The following DST variants were observed in gnomAD, a reference collection of about 807,000 sequenced individuals.
The protein encoded by DST is dystonin, also known as bullous pemphigoid antigen.
In DST, 253 loss-of-function variants were observed where a neutral mutation model predicts 875.2. That is an observed-to-expected ratio of 0.29 (90% CI 0.26 to 0.32). The LOEUF (loss-of-function observed/expected upper bound fraction) is 0.32. DST is among the 10% of genes least tolerant of loss of function. The pLI is 1.00. For missense variants in DST, 8,287 were observed against 9,111.6 expected (o/e 0.91, Z 3.68); for synonymous variants, 3,124 against 3,197.1 (o/e 0.98, Z 0.77).
rs376045815 is a variant in DST at position 56,565,371 on chromosome 6, G to A, written c.14005+3098C>T. ...CCTGATCTTGTGATCCGCTCGCCTT[G>A]GCCTCCAAAAGTGCTGGGATTACAG... On this transcript the variant is annotated intron_variant, in intron 55 of 103. Transcript: ENST00000680361. Among the ~76,000 whole-genome samples the A allele has an allele frequency of 1.7e-3, 256 of 152,026 alleles. 1 individual carries two copies. The highest frequency in any genetic ancestry group is 1.1e-3 in the Non-Finnish European group (72 of 67,972).
intron 4 of DST, among the ~76,000 whole-genome samples, chr6:56,838,565 A>G (rs901864149): frequency 6.6e-6 from 1 of 152,228 alleles, no homozygotes; most frequent in Non-Finnish European, 1.5e-5. Flanking sequence ...AACAACAAAA[A>G]AAAAACCTAG....
At position 56,597,932 on chromosome 6, in the gene DST, G is replaced by C; in HGVS notation, c.12003C>G (p.Asp4001Glu). Residue 4001 changes from aspartate (D) to glutamate (E), a missense_variant, in exon 47 of 104, where the codon GAC becomes GAG. Asp to Glu is a conservative substitution (Grantham distance 45). Around this residue, in one of 10 missense-constraint regions of DST, gnomAD observed 1,513 missense variants for 1,677.8 expected, o/e 0.90. Coordinates refer to ENST00000680361, the MANE Select transcript of DST (RefSeq NM_001374736.1). ...TTGTCCCTGCCCTTTCTGAGTCTTTGTCAACATTTGACAACCAGTCCAAAA... is the reference window on the plus strand; with the variant it reads ...TTGTCCCTGCCCTTTCTGAGTCTTTCTCAACATTTGACAACCAGTCCAAAA... The part of the protein sequence containing the change: ...ENLLDWLSNV[D>E]KDSERAGTKH... 6.2e-7 allele frequency: 1 copy of C among 1,613,380 alleles called. No individual in the cohort carries two copies. Among genetic ancestry groups the C allele is most frequent in the Non-Finnish European group, 8.5e-7 (1 of 1,179,606 alleles).
At chr6:56,823,290 T>C (rs1351849261) in intron 4 of DST, among the ~76,000 whole-genome samples, 1 of 152,248 alleles carries the variant, frequency 6.6e-6, no homozygotes, top group Non-Finnish European at 1.5e-5. Flanking sequence ...CAGCACTATG[T>C]TACTTTTATC....
intron 3 of DST, among the ~76,000 whole-genome samples, chr6:56,853,450 T>G (rs111513227): frequency 0.023 from 3,456 of 152,278 alleles, 54 homozygotes; most frequent in Middle Eastern, 0.034. Flanking sequence ...TCTTAAAGAC[T>G]TTTAAGAGGG....
At position 56,633,033 on chromosome 6, in the gene DST, T is replaced by C. The variant is rs746565155; in HGVS notation, c.3626A>G (p.Lys1209Arg). ...CTGATGTTCACCAGGTAGCATTGTC[T>C]TTATCTAAAGAAGACCAAAGACCCA... ...RIRASNVASI[K>R]TMLPGEHQQV... is the part of the protein sequence containing the mutation. Residue 1209 changes from lysine (K) to arginine (R), a missense_variant, in exon 28 of 104, where the codon AAG becomes AGG. Transcript: ENST00000680361. 15 of 1,613,676 alleles carry C rather than the reference T, an allele frequency of 9.3e-6. No individual in the cohort carries two copies. In the South Asian group the frequency reaches 1.4e-4, roughly 15 times the overall value.
intron 4 of DST, among the ~76,000 whole-genome samples, chr6:56,837,792 G>C (rs140577127): frequency 4.3e-4 from 66 of 152,078 alleles, no homozygotes; most frequent in Admixed American, 9.2e-4. Context: ...CCTTCTCACA[G>C]GGTGAAATCC....
intron 3 of DST, chr6:56,852,071 G>C: frequency 7.2e-7 from 1 of 1,391,824 alleles, no homozygotes; most frequent in Non-Finnish European, 9.3e-7. Flanking sequence ...AGGATGTTGA[G>C]TCCCAACTCC....
chr6:56,950,709 A>G (rs1049755073), intron 2 of DST, among the ~76,000 whole-genome samples: 1 of 152,228 alleles, frequency 6.6e-6, no homozygotes, highest in Non-Finnish European at 1.5e-5. Flanking sequence ...CATAAAACAC[A>G]TATTTCTGTC....
Position 56,578,953 on chromosome 6 carries a change from C to T in DST, c.12904-16G>A, listed in dbSNP as rs562209122. 8 of 1,569,128 alleles carry T rather than the reference C, an allele frequency of 5.1e-6. No homozygotes were observed. Among genetic ancestry groups the T allele is most frequent in the South Asian group, 3.5e-5 (3 of 84,948 alleles). On this transcript the variant is annotated splice_polypyrimidine_tract_variant and intron_variant, in intron 49 of 103. Coordinates refer to ENST00000680361, the MANE Select transcript of DST (RefSeq NM_001374736.1). ...CTTGCAAAGCCTGTAGGATTAAACG[C>T]TTTTCAATTATACTCAGCAGGACTA...
At chr6:56,558,006 A>C (rs1411223935) in intron 58 of DST, among the ~76,000 whole-genome samples, 1 of 152,134 alleles carries the variant, frequency 6.6e-6, no homozygotes, top group Non-Finnish European at 1.5e-5. Flanking sequence ...TCACCAATTA[A>C]ACTCAACATT....
chr6:56,828,680 T>C (rs2099783640), intron 4 of DST, among the ~76,000 whole-genome samples: 1 of 152,208 alleles, frequency 6.6e-6, no homozygotes. Flanking sequence ...TGACCCTCCT[T>C]TTCTGGACTT....
chr6:56,730,469 CAT>C (rs2099493150), intron 5 of DST, among the ~76,000 whole-genome samples: 1 of 151,942 alleles, frequency 6.6e-6, no homozygotes, highest in African/African-American at 2.4e-5. Flanking sequence ...GCAAATTGCA[CAT>C]GATGAGTAAC....
intron 60 of DST, among the ~76,000 whole-genome samples, chr6:56,553,946 T>C (rs1258554328): frequency 6.6e-6 from 1 of 152,140 alleles, no homozygotes; most frequent in Non-Finnish European, 1.5e-5. Flanking sequence ...GGAGTGGCCA[T>C]GCCACACATC....
chr6:56,558,113 T>C (rs1027925558), intron 58 of DST, among the ~76,000 whole-genome samples: 6 of 152,174 alleles, frequency 3.9e-5, no homozygotes, highest in Non-Finnish European at 8.8e-5. Context: ...GTCATAAAGA[T>C]GCAATAATTC....
chr6:56,828,732 T>C (rs1374393711), intron 4 of DST, among the ~76,000 whole-genome samples: 2 of 152,222 alleles, frequency 1.3e-5, no homozygotes, highest in African/African-American at 2.4e-5. Context: ...AAAATCAGCA[T>C]ACTCAATGTT....
At chr6:56,680,030 A>T (rs999645319) in intron 9 of DST, among the ~76,000 whole-genome samples, 6 of 152,230 alleles carry the variant, frequency 3.9e-5, no homozygotes, top group Non-Finnish European at 7.4e-5. Flanking sequence ...GTCTCTCAGT[A>T]TTTAAAATAT....
At chr6:56,794,993 A>T (rs1466146887) in intron 4 of DST, among the ~76,000 whole-genome samples, 1 of 152,180 alleles carries the variant, frequency 6.6e-6, no homozygotes, top group Non-Finnish European at 1.5e-5. Flanking sequence ...TTAGCTTTTA[A>T]ACATAAATAG....
At chr6:56,688,815 A>C (rs559382969) in intron 9 of DST, among the ~76,000 whole-genome samples, 1 of 152,338 alleles carries the variant, frequency 6.6e-6, no homozygotes, top group South Asian at 2.1e-4. Flanking sequence ...CGTTTTACTT[A>C]TCTCTGAGTG....
chr6:56,526,265 A>C (rs2096795339), intron 69 of DST, 96 bp downstream of exon 69: 1 of 1,271,336 alleles, frequency 7.9e-7, no homozygotes, highest in East Asian at 2.5e-5. Flanking sequence ...CAGCAAATGA[A>C]TGGAAACAGT....
Sources: gnomAD v4.1 joint callset for allele counts (sites outside exome capture counted in the v4.1 genomes callset) on GRCh38, gnomAD v4.1.1 for gene constraint, gnomAD v4.1.1 regional missense constraint, MANE v1.5 for transcripts, NCBI Gene and HGNC (gene_info 2026-07-23, HGNC 2026-07-21) for gene names.